The following ANO10 variants were observed in gnomAD, a reference collection of about 807,000 sequenced individuals.
The protein encoded by ANO10 is anoctamin-10.
A neutral mutation model predicts 74.7 loss-of-function variants in ANO10; 77 were observed. The ratio of observed to expected loss-of-function variants is 1.03; its 90% confidence interval spans 0.86 to 1.25. The LOEUF (loss-of-function observed/expected upper bound fraction) is 1.25, where lower values mean the gene tolerates loss of function less well. Among genes scored for constraint, ANO10 ranks in the 50% most tolerant of loss-of-function variants. The probability of loss-of-function intolerance (pLI) is 0.00; values close to 1 mark genes in which losing one functional copy is unlikely to be tolerated. For missense variants in ANO10, 721 were observed against 778.1 expected, an observed-to-expected ratio of 0.93 and a Z score of 0.87; for synonymous variants, 279 against 284.9, an observed-to-expected ratio of 0.98 and a Z score of 0.21.
intron 11 of ANO10, among the ~76,000 whole-genome samples, chr3:43,440,011 T>A (rs527272524): frequency 2.0e-5 from 3 of 151,340 alleles, no homozygotes; most frequent in Non-Finnish European, 4.4e-5. Flanking sequence ...GTAATCCCCA[T>A]GATAACTACA....
chr3:43,523,004 G>A (rs1008198590), intron 11 of ANO10, among the ~76,000 whole-genome samples: 3 of 152,204 alleles, frequency 2.0e-5, no homozygotes, highest in African/African-American at 7.2e-5. Context: ...GGGAGTACCT[G>A]CATTATCAGC....
intron 1 of ANO10, among the ~76,000 whole-genome samples, chr3:43,674,724 A>G (rs2084100303): frequency 6.6e-6 from 1 of 152,166 alleles, no homozygotes; most frequent in African/African-American, 2.4e-5. Flanking sequence ...TTGAACTGTG[A>G]TATAGGTTTG....
intron 12 of ANO10, among the ~76,000 whole-genome samples, chr3:43,371,174 T>C (rs1450888569): frequency 6.6e-6 from 1 of 151,818 alleles, no homozygotes; most frequent in African/African-American, 2.4e-5. Context: ...CTGCCCCCCG[T>C]CCCAAACCAA....
At chr3:43,443,970 C>CA (rs1433481365) in intron 11 of ANO10, among the ~76,000 whole-genome samples, 1 of 152,176 alleles carries the variant, frequency 6.6e-6, no homozygotes, top group Non-Finnish European at 1.5e-5. Context: ...GCATGAGTCA[C>CA]TGCACCCGGA....
At chr3:43,605,058 T>C (rs964821822) in intron 2 of ANO10, among the ~76,000 whole-genome samples, 1 of 152,164 alleles carries the variant, frequency 6.6e-6, no homozygotes, top group African/African-American at 2.4e-5. Flanking sequence ...TACTTGCTCA[T>C]GTAAAACACT....
rs865860845 is a variant in ANO10 at position 43,406,140 on chromosome 3, C to A, written c.1914+26471G>T. Among the ~76,000 whole-genome samples the A allele has an allele frequency of 2.6e-5, 4 of 152,274 alleles. No homozygotes were observed. The South Asian group carries it at 6.2e-4, about 24-fold the overall frequency. ...TTCACAGTTCTAGAATGGAAGCTCC[C>A]AGGGCAGTGGGAAGAATCCCATCTG... is the stretch of plus-strand genomic sequence containing the variant. On this transcript the variant is annotated intron_variant, in intron 12 of 12. Transcript: ENST00000292246.
chr3:43,537,668 CAGAT>C (rs553680681), intron 11 of ANO10, among the ~76,000 whole-genome samples: 162 of 151,032 alleles, frequency 1.1e-3, no homozygotes, highest in African/African-American at 3.8e-3. Context: ...TAATATACGT[CAGAT>C]AGGAAGAAAT....
chr3:43,520,844 G>T (rs1168172971), intron 11 of ANO10, among the ~76,000 whole-genome samples: 1 of 151,960 alleles, frequency 6.6e-6, no homozygotes, highest in Non-Finnish European at 1.5e-5. Context: ...GATTGTGTTG[G>T]ATCTATAGAT....
chr3:43,545,666 C>G (rs2079159615), intron 11 of ANO10, among the ~76,000 whole-genome samples: 1 of 152,114 alleles, frequency 6.6e-6, no homozygotes, highest in Non-Finnish European at 1.5e-5. Context: ...GTGCCCGACC[C>G]CACTGATAGT....
intron 11 of ANO10, among the ~76,000 whole-genome samples, chr3:43,471,987 A>T (rs576090534): frequency 6.6e-6 from 1 of 152,354 alleles, no homozygotes; most frequent in South Asian, 2.1e-4. Context: ...AAAAAAAATC[A>T]AAATATTCCT....
At chr3:43,526,538 G>A (rs1446683010) in intron 11 of ANO10, among the ~76,000 whole-genome samples, 1 of 152,146 alleles carries the variant, frequency 6.6e-6, no homozygotes, top group East Asian at 1.9e-4. Context: ...AGAATGTATA[G>A]TATAACATAT....
At chr3:43,648,572 G>A (rs1031736316) in intron 1 of ANO10, among the ~76,000 whole-genome samples, 5 of 151,976 alleles carry the variant, frequency 3.3e-5, no homozygotes, top group African/African-American at 1.2e-4. Flanking sequence ...CATTGCCATG[G>A]CACTTGTAAA....
intron 1 of ANO10, among the ~76,000 whole-genome samples, chr3:43,642,878 C>T (rs1424388622): frequency 6.6e-6 from 1 of 151,372 alleles, no homozygotes; most frequent in South Asian, 2.1e-4. Context: ...GATGCCTGGT[C>T]GCCAATTCAT....
intron 11 of ANO10, among the ~76,000 whole-genome samples, chr3:43,547,960 G>C (rs1469847467): frequency 1.3e-5 from 2 of 152,226 alleles, no homozygotes; most frequent in African/African-American, 4.8e-5. Context: ...GCTCATGAGA[G>C]AGCTCTGCTC....
intron 1 of ANO10, among the ~76,000 whole-genome samples, chr3:43,665,317 T>A (rs2083976909): frequency 6.6e-6 from 1 of 151,890 alleles, no homozygotes. Context: ...AAGGGGGAGT[T>A]GAACAATGAG....
chr3:43,566,657 A>C (rs2080366991), intron 7 of ANO10, among the ~76,000 whole-genome samples: 2 of 152,352 alleles, frequency 1.3e-5, no homozygotes, highest in South Asian at 4.1e-4. Flanking sequence ...AACAAACAGA[A>C]AGGACATCCA....
intron 12 of ANO10, among the ~76,000 whole-genome samples, chr3:43,429,716 T>C (rs528225549): frequency 1.3e-5 from 2 of 152,198 alleles, no homozygotes; most frequent in African/African-American, 4.8e-5. Flanking sequence ...GCAGTGTGTA[T>C]GTGCATGCAT....
chr3:43,678,661 C>T (rs889533234), intron 1 of ANO10, among the ~76,000 whole-genome samples: 7 of 152,056 alleles, frequency 4.6e-5, no homozygotes, highest in Admixed American at 2.6e-4. Context: ...TTGGGGAGCT[C>T]GGCTCTTGAG....
In ANO10 at chr3:43,387,616, C is replaced by T. The variant is rs552878081; in HGVS notation, c.1915-20642G>A. On this transcript the variant is annotated intron_variant, in intron 12 of 12. Coordinates refer to ENST00000292246, the MANE Select transcript of ANO10 (RefSeq NM_018075.5). ...GGTCTGTGAAGAGAGACGGCAGCTT[C>T]TGGGGCTATGTGAGGCATCACTGAA... 2.0e-5 allele frequency among the ~76,000 whole-genome samples: 3 copies of T among 152,260 alleles called. No homozygotes were observed. In the South Asian group the frequency reaches 6.2e-4, roughly 32 times the overall value.
Sources: gnomAD v4.1 joint callset for allele counts (sites outside exome capture counted in the v4.1 genomes callset) on GRCh38, gnomAD v4.1.1 for gene constraint, MANE v1.5 for transcripts, NCBI Gene and HGNC (gene_info 2026-07-23, HGNC 2026-07-21) for gene names.